Variants in UCHL5 observed in about 807,000 individuals in gnomAD.
UCHL5 encodes the protein ubiquitin C-terminal hydrolase L5, also known as ubiquitin carboxyl-terminal hydrolase isozyme L5.
UCHL5 carries 34 observed loss-of-function variants against 53.8 expected under a neutral mutation model. The ratio of observed to expected loss-of-function variants is 0.63; its 90% CI spans 0.48 to 0.84. The LOEUF (loss-of-function observed/expected upper bound fraction) is 0.84, where lower values mean the gene tolerates loss of function less well. Ranked by LOEUF, UCHL5 falls within the 40% of genes least tolerant of loss-of-function variation. UCHL5 has a pLI of 0.00. For synonymous variants in UCHL5, 111 were observed against 126.3 expected (o/e 0.88, Z 0.81); for missense variants, 290 against 385.6 (o/e 0.75, Z 2.08).
Position 193,047,929 on chromosome 1 carries a change from TA to T in UCHL5, c.246+1816del, listed in dbSNP as rs551468377. On this transcript the variant is annotated intron_variant, in intron 3 of 10. Transcript: ENST00000367454. ...AAAAGAAAACAAAAGCAAGTTTTAC[TA>T]AAAAAAAGTCTTTGATAAAGCAGTA... 5.5e-3 allele frequency among the ~76,000 whole-genome samples: 841 copies of T among 152,142 alleles called. 4 individuals carry two copies. The highest frequency in any genetic ancestry group is 0.02 in the African/African-American group (812 of 41,522).
intron 1 of UCHL5, among the ~76,000 whole-genome samples, chr1:193,058,973 C>T (rs893555258): frequency 1.3e-5 from 2 of 152,228 alleles, no homozygotes; most frequent in African/African-American, 4.8e-5. Flanking sequence ...ACGATCCTTG[C>T]CCTCGTGGTG....
At chr1:193,050,607 A>C (rs763346531) in intron 2 of UCHL5, among the ~76,000 whole-genome samples, 1 of 152,030 alleles carries the variant, frequency 6.6e-6, no homozygotes, top group African/African-American at 2.4e-5. Flanking sequence ...TTAGCCAGGC[A>C]TGGTGAAGCG....
At chr1:193,032,671 A>C (rs1661888419) in intron 3 of UCHL5, among the ~76,000 whole-genome samples, 1 of 152,216 alleles carries the variant, frequency 6.6e-6, no homozygotes, top group Non-Finnish European at 1.5e-5. Flanking sequence ...AACTTAAACA[A>C]ATGCAGAAGA....
intron 3 of UCHL5, among the ~76,000 whole-genome samples, chr1:193,038,003 C>A (rs1289771150): frequency 6.6e-6 from 1 of 151,456 alleles, no homozygotes; most frequent in Non-Finnish European, 1.5e-5. Flanking sequence ...AAAAAAACTA[C>A]CTAATTATTT....
At chr1:193,059,501 C>T (rs1164877518), upstream of UCHL5, 3 of 1,596,466 alleles carry the variant, frequency 1.9e-6, no homozygotes, top group Non-Finnish European at 2.6e-6. This position sits in a 1 kb window ranked among gnomAD's most constrained non-coding sequence, Gnocchi z 4.9. Context: ...GTAGCGGATT[C>T]GGAAGGGCTG....
intron 10 of UCHL5, among the ~76,000 whole-genome samples, chr1:193,017,347 T>C (rs185393664): frequency 7.2e-5 from 11 of 151,842 alleles, no homozygotes; most frequent in Non-Finnish European, 3.0e-5. Context: ...TTAAAACAAT[T>C]ACAATCTCTT....
chr1:193,042,783 A>C (rs1216674381), intron 3 of UCHL5, among the ~76,000 whole-genome samples: 2 of 152,148 alleles, frequency 1.3e-5, no homozygotes, highest in African/African-American at 4.8e-5. Flanking sequence ...TCTAAAGATA[A>C]AGACAAAAGT....
intron 10 of UCHL5, chr1:193,018,808 T>C (rs1353792314): frequency 7.7e-6 from 12 of 1,563,142 alleles, no homozygotes; most frequent in Non-Finnish European, 1.0e-5. Context: ...CTTGTTCTTT[T>C]ATCCTATTTT....
At chr1:193,029,336 C>T (rs769254936) in intron 5 of UCHL5, 27 bp from the exon 6 acceptor site, 1 of 1,612,724 alleles carries the variant, frequency 6.2e-7, no homozygotes, top group African/African-American at 1.3e-5. Context: ...AATAGTGAAA[C>T]TCAAAGAAGC....
chr1:193,020,443 C>T (rs1656558501), intron 10 of UCHL5: 1 of 1,541,866 alleles, frequency 6.5e-7, no homozygotes, highest in Non-Finnish European at 8.8e-7. Flanking sequence ...AATCCTTCCC[C>T]TATATCAGAA....
At chr1:193,038,122 A>G (rs1054676528) in intron 3 of UCHL5, among the ~76,000 whole-genome samples, 1 of 152,158 alleles carries the variant, frequency 6.6e-6, no homozygotes, top group Non-Finnish European at 1.5e-5. Context: ...ACAGCCACAT[A>G]AAACAGACTC....
At chr1:193,018,421 A>G (rs1655619469) in intron 10 of UCHL5, 1 of 640,392 alleles carries the variant, frequency 1.6e-6, no homozygotes, top group South Asian at 7.1e-5. Flanking sequence ...TAAACTAGAT[A>G]ATTTTATTTT....
rs540987494 is a variant in UCHL5, at chr1:193,029,947, T to C, written c.247-290A>G. Among the ~76,000 whole-genome samples, 5 of 152,282 alleles carry C rather than the reference T, an allele frequency of 3.3e-5. No homozygotes were observed. In the South Asian group the frequency reaches 1.0e-3, roughly 32 times the overall value. On this transcript the variant is annotated intron_variant, in intron 3 of 10. Transcript: ENST00000367454. The stretch of plus-strand genomic sequence containing the variant: ...CAATCATCCTGATGGAAAACATAGC[T>C]GATTAAGCCAACAGAGCTTGTCCCC...
chr1:193,018,819 C>G, intron 10 of UCHL5: 1 of 1,564,248 alleles, frequency 6.4e-7, no homozygotes, highest in Non-Finnish European at 8.7e-7. Flanking sequence ...ATCCTATTTT[C>G]CCTGAAAACA....
At chr1:193,027,705 T>C (rs1429605006) in intron 7 of UCHL5, among the ~76,000 whole-genome samples, 1 of 151,602 alleles carries the variant, frequency 6.6e-6, no homozygotes, top group Non-Finnish European at 1.5e-5. Flanking sequence ...AAAAAGAAAA[T>C]AAAAAATTAT....
At chr1:193,039,166 C>T (rs912785787) in intron 3 of UCHL5, among the ~76,000 whole-genome samples, 1 of 152,094 alleles carries the variant, frequency 6.6e-6, no homozygotes, top group Non-Finnish European at 1.5e-5. Flanking sequence ...TTTGGGAGCC[C>T]AAGGCGGGCA....
In UCHL5 at chr1:193,015,469, T is replaced by C. The variant is rs1018839300; in HGVS notation, c.*882A>G. ...AAATCAATTGTGAGCAAATTACATATGGCTCTTGAAAACTGCAGGCTGTAC... is the reference window on the plus strand; with the variant it reads ...AAATCAATTGTGAGCAAATTACATACGGCTCTTGAAAACTGCAGGCTGTAC... On this transcript the variant is annotated 3_prime_UTR_variant, in exon 11 of 11. Coordinates refer to ENST00000367454, the MANE Select transcript of UCHL5 (RefSeq NM_001199261.3). 2 of 152,038 alleles carry C rather than the reference T, an allele frequency of 1.3e-5. No individual in the cohort carries two copies. The highest frequency in any genetic ancestry group is 2.9e-5 in the Non-Finnish European group (2 of 67,920). The allele number at this position is 152,038 out of a possible 1,614,324, so 9.4% of individuals were successfully genotyped here. A position where few individuals can be genotyped will look rare whatever the true frequency, so the allele number is the denominator to read the frequency against.
Position 193,041,764 on chromosome 1 carries a change from T to C in UCHL5, c.246+7982A>G, listed in dbSNP as rs77750747. ...GCATGTTAGTGCAGCTGGTATCATA[T>C]AGCATGCAAAATAAATGAACTATCA... is the stretch of plus-strand genomic sequence containing the variant. On this transcript the variant is annotated intron_variant, in intron 3 of 10. Transcript: ENST00000367454. Among the ~76,000 whole-genome samples the C allele has an allele frequency of 3.1e-3, 478 of 152,262 alleles. 1 individual carries two copies. The highest frequency in any genetic ancestry group is 9.1e-3 in the African/African-American group (377 of 41,538).
At chr1:193,023,271 C>G (rs1043330041) in intron 8 of UCHL5, among the ~76,000 whole-genome samples, 8 of 152,254 alleles carry the variant, frequency 5.3e-5, no homozygotes, top group African/African-American at 1.9e-4. Flanking sequence ...CTGTAATATA[C>G]TCTATTGCCA....
Sources: gnomAD v4.1 joint callset for allele counts (sites outside exome capture counted in the v4.1 genomes callset) on GRCh38, gnomAD v4.1.1 for gene constraint, Gnocchi (gnomAD v3.1) non-coding constraint, MANE v1.5 for transcripts, NCBI Gene and HGNC (gene_info 2026-07-23, HGNC 2026-07-21) for gene names.